Variants in PPP1R1C observed in about 807,000 individuals in gnomAD.
The protein encoded by PPP1R1C is protein phosphatase 1 regulatory inhibitor subunit 1C.
PPP1R1C carries 15 observed loss-of-function variants against 17.4 expected under a neutral mutation model. The observed-to-expected ratio is 0.86, with a 90% CI of 0.58 to 1.33. PPP1R1C has a LOEUF of 1.33. Among genes scored for constraint, PPP1R1C ranks in the 40% most tolerant of loss-of-function variants. The probability of loss-of-function intolerance (pLI) is 0.00; values close to 1 mark genes in which losing one functional copy is unlikely to be tolerated. For missense variants in PPP1R1C, 143 were observed against 130.0 expected, an observed-to-expected ratio of 1.10 and a Z score of -0.48; for synonymous variants, 35 against 43.1, an observed-to-expected ratio of 0.81 and a Z score of 0.73.
chr2:181,984,463 AC>A (rs1685251723), upstream of PPP1R1C, among the ~76,000 whole-genome samples: 1 of 152,198 alleles, frequency 6.6e-6, no homozygotes, highest in African/African-American at 2.4e-5. Context: ...ATTTCTGGAG[AC>A]TTTTGTAAAC....
intron 2 of PPP1R1C, among the ~76,000 whole-genome samples, chr2:182,004,056 C>T (rs533655554): frequency 6.4e-4 from 98 of 152,202 alleles, no homozygotes; most frequent in African/African-American, 1.9e-3. Context: ...GTTAGAAAGG[C>T]GTGCCATATA....
intron 4 of PPP1R1C, among the ~76,000 whole-genome samples, chr2:182,089,991 ATAAG>A (rs1159749873): frequency 1.3e-5 from 2 of 152,002 alleles, no homozygotes; most frequent in Admixed American, 6.6e-5. Context: ...TTACATATTC[ATAAG>A]TAATATATTT....
chr2:182,068,354 G>A (rs924076008), intron 4 of PPP1R1C, among the ~76,000 whole-genome samples: 6 of 152,096 alleles, frequency 3.9e-5, no homozygotes, highest in East Asian at 1.9e-4. Flanking sequence ...CTCCTCCTCC[G>A]TTTCTGCTTC....
chr2:181,997,695 G>C (rs983321643), intron 2 of PPP1R1C, among the ~76,000 whole-genome samples: 1 of 152,034 alleles, frequency 6.6e-6, no homozygotes, highest in Non-Finnish European at 1.5e-5. Flanking sequence ...CATTTGAGTA[G>C]GTTTCATATG....
In PPP1R1C at chr2:181,961,352, T is replaced by G. The variant is rs1030934467; in HGVS notation, n.111+6718T>G. The stretch of plus-strand genomic sequence containing the variant: ...TCAAGCAGGCGGTGGTAGGTGGCGC[T>G]CTCAGCCTCCAGCTTGACCTTGATG... On this transcript the variant is annotated intron_variant and non_coding_transcript_variant, in intron 1 of 5. Coordinates refer to the PPP1R1C transcript ENST00000464264. The surrounding 1 kb of genome is among the most constrained non-coding windows in gnomAD (Gnocchi z 5.8). The G allele has an allele frequency of 1.1e-5, 8 of 717,464 alleles. No individual in the cohort carries two copies. In the African/African-American group the frequency reaches 1.4e-4, roughly 12 times the overall value. 44.4% of individuals were successfully genotyped at this position (717,464 alleles called of 1,614,324 possible).
At chr2:182,036,024 C>T (rs1686994221) in intron 2 of PPP1R1C, among the ~76,000 whole-genome samples, 1 of 152,142 alleles carries the variant, frequency 6.6e-6, no homozygotes, top group East Asian at 1.9e-4. Context: ...TGCTTTTCCA[C>T]ATACAGGGAT....
intron 4 of PPP1R1C, among the ~76,000 whole-genome samples, chr2:182,070,234 G>A (rs1196170): frequency 0.018 from 2,686 of 152,286 alleles, 84 homozygotes; most frequent in African/African-American, 0.061. Context: ...AGTGGAATAC[G>A]TGGCTCATAC....
chr2:182,124,937 A>C (rs966758551), intron 5 of PPP1R1C, among the ~76,000 whole-genome samples: 4 of 152,120 alleles, frequency 2.6e-5, no homozygotes, highest in African/African-American at 9.7e-5. Context: ...TATGTTGAAT[A>C]GGAGTGGTGA....
chr2:182,042,058 T>C (rs1281464085), intron 2 of PPP1R1C, among the ~76,000 whole-genome samples: 2 of 152,216 alleles, frequency 1.3e-5, no homozygotes, highest in Non-Finnish European at 2.9e-5. Flanking sequence ...CACTTATCTG[T>C]CAGTATATGT....
At chr2:181,982,666 G>A (rs1384230698), upstream of PPP1R1C, among the ~76,000 whole-genome samples, 1 of 152,182 alleles carries the variant, frequency 6.6e-6, no homozygotes, top group Non-Finnish European at 1.5e-5. Context: ...TTAAAAAAGG[G>A]AGCGGGGAGG....
intron 1 of PPP1R1C, among the ~76,000 whole-genome samples, chr2:181,970,161 T>C (rs958086675): frequency 1.3e-5 from 2 of 151,990 alleles, no homozygotes; most frequent in African/African-American, 4.8e-5. Context: ...TTTGAGGTCA[T>C]GTTTTCCTGG....
chr2:182,028,867 C>G (rs1686712623), intron 2 of PPP1R1C, among the ~76,000 whole-genome samples: 2 of 106,896 alleles, frequency 1.9e-5, no homozygotes, highest in African/African-American at 6.5e-5. Context: ...GTAGGTCACT[C>G]AGGACTTGCT....
rs71340033 is a variant in PPP1R1C at position 182,053,777 on chromosome 2, AT to A, written c.143-7661del. ...CAGATTTTTATTTATTTATTTATTT[AT>A]TTTATTTATTTATTCTTTTGAGACA... On this transcript the variant is annotated intron_variant, in intron 2 of 4. Transcript: ENST00000682840. Among the ~76,000 whole-genome samples the A allele has an allele frequency of 3.1e-4, 46 of 146,074 alleles. No individual in the cohort carries two copies. The East Asian group carries it at 3.2e-3, about 10-fold the overall frequency.
intron 3 of PPP1R1C, among the ~76,000 whole-genome samples, chr2:182,062,013 G>A (rs889437868): frequency 1.3e-5 from 2 of 152,040 alleles, no homozygotes; most frequent in East Asian, 3.9e-4. Flanking sequence ...TACATGTGTA[G>A]GAGTTTATAT....
intron 1 of PPP1R1C, among the ~76,000 whole-genome samples, chr2:181,969,198 T>C (rs1330513684): frequency 6.6e-6 from 1 of 152,208 alleles, no homozygotes; most frequent in Non-Finnish European, 1.5e-5. Flanking sequence ...CAGTGAGTTT[T>C]ATACCTTCAG....
intron 4 of PPP1R1C, among the ~76,000 whole-genome samples, chr2:182,072,068 A>G (rs557239521): frequency 6.6e-6 from 1 of 152,350 alleles, no homozygotes; most frequent in South Asian, 2.1e-4. Context: ...AAAATGGAGA[A>G]ATCTATCTCC....
At chr2:182,105,890 T>G (rs1244855872) in intron 4 of PPP1R1C, among the ~76,000 whole-genome samples, 2 of 152,144 alleles carry the variant, frequency 1.3e-5, no homozygotes, top group Non-Finnish European at 2.9e-5. Flanking sequence ...CAACCACAAC[T>G]GGGTGGTTGA....
intron 2 of PPP1R1C, among the ~76,000 whole-genome samples, chr2:182,004,393 G>C (rs1685854579): frequency 6.6e-6 from 1 of 152,142 alleles, no homozygotes; most frequent in South Asian, 2.1e-4. Context: ...AAAGGTGATG[G>C]AGTTTGTGAT....
intron 4 of PPP1R1C, among the ~76,000 whole-genome samples, chr2:182,097,078 G>C (rs919932575): frequency 6.6e-6 from 1 of 152,210 alleles, no homozygotes; most frequent in African/African-American, 2.4e-5. Flanking sequence ...GTACCTATTC[G>C]ATATGTCCAG....
Sources: allele counts gnomAD v4.1 joint callset (sites outside exome capture counted in the v4.1 genomes callset), GRCh38; gene constraint gnomAD v4.1.1; non-coding constraint Gnocchi (gnomAD v3.1); transcripts MANE v1.5; gene names NCBI Gene and HGNC (gene_info 2026-07-23, HGNC 2026-07-21).